The following KCNIP4 variants were observed in gnomAD, a reference collection of about 807,000 sequenced individuals.
KCNIP4 encodes Kv channel-interacting protein 4.
In KCNIP4, 12 loss-of-function variants were observed where a neutral mutation model predicts 34.0. The observed-to-expected ratio is 0.35, with a 90% CI of 0.23 to 0.57. The LOEUF is 0.57. Among genes scored for constraint, KCNIP4 ranks in the 20% least tolerant of loss-of-function variants. KCNIP4 has a pLI of 0.83. For missense variants in KCNIP4, 238 were observed against 311.7 expected (o/e 0.76, Z 1.78); for synonymous variants, 124 against 102.2 (o/e 1.21, Z -1.29).
At chr4:21,146,355 G>A (rs1272467091) in intron 1 of KCNIP4, among the ~76,000 whole-genome samples, 5 of 152,112 alleles carry the variant, frequency 3.3e-5, no homozygotes, top group South Asian at 2.1e-4. Flanking sequence ...CAGAGATCAC[G>A]CCATTGCACT....
chr4:21,543,583 T>C (rs926265825), intron 1 of KCNIP4, among the ~76,000 whole-genome samples: 1 of 152,196 alleles, frequency 6.6e-6, no homozygotes, highest in African/African-American at 2.4e-5. Flanking sequence ...GTAGCTAATA[T>C]GTCAGCTGTG....
intron 1 of KCNIP4, among the ~76,000 whole-genome samples, chr4:21,773,307 GCGT>G: frequency 6.6e-6 from 1 of 152,030 alleles, no homozygotes; most frequent in South Asian, 2.1e-4. Context: ...CAGTTCTTTT[GCGT>G]TTGCTGTGGA....
chr4:21,025,488 GAGAGAGAGAGAGA>G (rs1302333453), intron 1 of KCNIP4, among the ~76,000 whole-genome samples: 1 of 69,550 alleles, frequency 1.4e-5, no homozygotes, highest in Non-Finnish European at 2.9e-5. Context: ...GAGAGAGAGA[GAGAGAGAGAGAGA>G]GAGAGAGAGA....
chr4:21,373,078 G>GATTAT (rs137998533), intron 1 of KCNIP4, among the ~76,000 whole-genome samples: 131,043 of 145,032 alleles, frequency 0.9, 60,587 homozygotes, highest in Non-Finnish European at 0.96. Context: ...TCAGTGAACA[G>GATTAT]ATTAAAAAAA....
chr4:21,682,407 G>T (rs2109026319), intron 1 of KCNIP4, among the ~76,000 whole-genome samples: 1 of 152,256 alleles, frequency 6.6e-6, no homozygotes, highest in Admixed American at 6.5e-5. Flanking sequence ...TTAGGCTTTG[G>T]CTTAAGGGGG....
chr4:21,467,861 G>A (rs1730127655), intron 1 of KCNIP4, among the ~76,000 whole-genome samples: 1 of 152,186 alleles, frequency 6.6e-6, no homozygotes, highest in Admixed American at 6.6e-5. Context: ...CAAGGGCACT[G>A]AGGATGTGGC....
At chr4:21,402,625 G>T (rs1426311544) in intron 1 of KCNIP4, among the ~76,000 whole-genome samples, 1 of 152,040 alleles carries the variant, frequency 6.6e-6, no homozygotes, top group Non-Finnish European at 1.5e-5. Flanking sequence ...TTTCAGCTCT[G>T]CAATGAAACC....
At position 21,759,678 on chromosome 4, in the gene KCNIP4, G is replaced by A. The variant is rs186674935; in HGVS notation, c.61+188893C>T. Reference sequence around the variant, plus strand: ...AACCTGGTATCAGCTTCTCAATTCCGACCTGACTTCAGGGCAGTCTGAAGT... The same window carrying A: ...AACCTGGTATCAGCTTCTCAATTCCAACCTGACTTCAGGGCAGTCTGAAGT... On this transcript the variant is annotated intron_variant, in intron 1 of 8. Transcript: ENST00000382152. 3.9e-5 allele frequency among the ~76,000 whole-genome samples: 6 copies of A among 152,012 alleles called. No homozygotes were observed. The East Asian group carries it at 7.7e-4, about 20-fold the overall frequency.
At chr4:20,942,961 C>T (rs552201349) in intron 1 of KCNIP4, among the ~76,000 whole-genome samples, 3 of 152,224 alleles carry the variant, frequency 2.0e-5, no homozygotes, top group South Asian at 2.1e-4. Flanking sequence ...TGTGAGCCAC[C>T]GTGCCCAGCC....
intron 1 of KCNIP4, among the ~76,000 whole-genome samples, chr4:21,920,136 T>C (rs990151607): frequency 1.3e-5 from 2 of 152,182 alleles, no homozygotes; most frequent in Admixed American, 6.6e-5. Context: ...TTTAAACTGA[T>C]GCTGAATTTG....
intron 1 of KCNIP4, among the ~76,000 whole-genome samples, chr4:21,899,267 G>T (rs1286973687): frequency 1.3e-5 from 2 of 151,988 alleles, no homozygotes; most frequent in Admixed American, 6.6e-5. Flanking sequence ...AAAAAACTGG[G>T]TATAAAAGGA....
intron 1 of KCNIP4, among the ~76,000 whole-genome samples, chr4:21,634,247 A>C (rs973980650): frequency 6.6e-5 from 9 of 136,154 alleles, no homozygotes; most frequent in East Asian, 4.6e-4. Context: ...AAAAAAAAAA[A>C]CACATACATA....
chr4:21,663,893 C>T (rs530384160), intron 1 of KCNIP4, among the ~76,000 whole-genome samples: 53 of 152,278 alleles, frequency 3.5e-4, no homozygotes, highest in African/African-American at 1.3e-3. Context: ...AGTCACAGTG[C>T]TAAATAACTT....
At chr4:20,908,626 AT>A (rs1728031061) in intron 1 of KCNIP4, among the ~76,000 whole-genome samples, 1 of 152,202 alleles carries the variant, frequency 6.6e-6, no homozygotes, top group Non-Finnish European at 1.5e-5. Flanking sequence ...CAGGTCAGGC[AT>A]TATTTTGCAA....
intron 2 of KCNIP4, among the ~76,000 whole-genome samples, chr4:20,877,234 G>C (rs1724144432): frequency 6.6e-6 from 1 of 152,156 alleles, no homozygotes; most frequent in Admixed American, 6.5e-5. Flanking sequence ...TATTGTTACA[G>C]CTATAGCTAT....
intron 1 of KCNIP4, among the ~76,000 whole-genome samples, chr4:21,729,605 T>G (rs1197852360): frequency 6.6e-6 from 1 of 152,306 alleles, no homozygotes; most frequent in African/African-American, 2.4e-5. Flanking sequence ...AATACTTCTG[T>G]GAATGAAAAG....
intron 1 of KCNIP4, chr4:21,582,330 G>A (rs1291689357): frequency 6.6e-6 from 1 of 151,904 alleles, no homozygotes; most frequent in Non-Finnish European, 1.5e-5. Context: ...CTTAATGAAT[G>A]GAAAGTGGAA....
At chr4:20,898,797 A>C (rs761255544) in intron 1 of KCNIP4, among the ~76,000 whole-genome samples, 1 of 152,110 alleles carries the variant, frequency 6.6e-6, no homozygotes, top group African/African-American at 2.4e-5. Flanking sequence ...TATCTCATCT[A>C]TCTATCTATG....
At chr4:21,466,299 T>C (rs1008760726) in intron 1 of KCNIP4, among the ~76,000 whole-genome samples, 15 of 152,286 alleles carry the variant, frequency 9.8e-5, no homozygotes, top group African/African-American at 3.6e-4. Context: ...ATCTGACTTA[T>C]ATTAAGACAC....
Sources: allele counts gnomAD v4.1 joint callset (sites outside exome capture counted in the v4.1 genomes callset), GRCh38; gene constraint gnomAD v4.1.1; transcripts MANE v1.5; gene names NCBI Gene and HGNC (gene_info 2026-07-23, HGNC 2026-07-21).